Variants in RFX4 observed in about 807,000 individuals in gnomAD.
RFX4 encodes the protein transcription factor RFX4.
In RFX4, 10 loss-of-function variants were observed where a neutral mutation model predicts 95.0. The ratio of observed to expected loss-of-function variants is 0.11; its 90% CI spans 0.06 to 0.18. The LOEUF is 0.18. Ranked by LOEUF, RFX4 falls within the 10% of genes least tolerant of loss-of-function variation. The pLI is 1.00. For synonymous variants in RFX4, 321 were observed against 340.7 expected, an observed-to-expected ratio of 0.94 and a Z score of 0.64; for missense variants, 640 against 922.0, an observed-to-expected ratio of 0.69 and a Z score of 3.96.
At chr12:106,744,997 C>T (rs1353759050) in intron 15 of RFX4, among the ~76,000 whole-genome samples, 2 of 152,074 alleles carry the variant, frequency 1.3e-5, no homozygotes, top group Non-Finnish European at 2.9e-5. Context: ...CCTGAGCGAT[C>T]GTCAGTCTTA....
chr12:106,586,716 C>CA lies in RFX4; in HGVS notation c.43+3356dup, dbSNP rs1395079882. 6.6e-6 allele frequency among the ~76,000 whole-genome samples: 1 copy of CA among 152,194 alleles called. No individual in the cohort carries two copies. Among genetic ancestry groups the CA allele is most frequent in the African/African-American group, 2.4e-5 (1 of 41,458 alleles). ...TAGTTTACAGGCCCCCAGCTCAGCA[C>CA]AAATTCTTTCTAAAATTCTACCACC... is the stretch of plus-strand genomic sequence containing the variant. On this transcript the variant is annotated intron_variant, in intron 1 of 17. Coordinates refer to ENST00000392842, the MANE Select transcript of RFX4 (RefSeq NM_213594.3). The surrounding 1 kb of genome is among the most constrained non-coding windows in gnomAD (Gnocchi z 5.6).
intron 2 of RFX4, among the ~76,000 whole-genome samples, chr12:106,637,686 G>A (rs1377784027): frequency 1.3e-5 from 2 of 152,196 alleles, no homozygotes; most frequent in Non-Finnish European, 2.9e-5. Flanking sequence ...AATTGGATAA[G>A]AGACTGATTA....
chr12:106,630,622 C>T (rs1403773156), intron 2 of RFX4, among the ~76,000 whole-genome samples: 1 of 152,106 alleles, frequency 6.6e-6, no homozygotes, highest in Non-Finnish European at 1.5e-5. Flanking sequence ...TGAGTTCTGG[C>T]CAGGTGCAGC....
intron 2 of RFX4, among the ~76,000 whole-genome samples, chr12:106,619,923 T>C (rs542290903): frequency 6.6e-5 from 10 of 152,316 alleles, no homozygotes; most frequent in African/African-American, 2.4e-4. Context: ...GGTGGTCCAA[T>C]TGATTCTTTT....
At position 106,590,103 on chromosome 12, in the gene RFX4, A is replaced by C. The variant is rs1229882182; in HGVS notation, c.43+6740A>C. ...AGTGATTAGCAATATGAAGGAAAAA[A>C]ACCTATCTGGAGTAATAAAGACAGA... On this transcript the variant is annotated intron_variant, in intron 1 of 17. Coordinates refer to ENST00000392842, the MANE Select transcript of RFX4 (RefSeq NM_213594.3). 4.6e-5 allele frequency among the ~76,000 whole-genome samples: 7 copies of C among 152,380 alleles called. No individual in the cohort carries two copies. In the East Asian group the frequency reaches 1.2e-3, roughly 25 times the overall value.
rs1332891208 is a variant in RFX4, at chr12:106,583,225, C to T, written c.-96C>T. On this transcript the variant is annotated 5_prime_UTR_variant, in exon 1 of 18. Transcript: ENST00000392842. The stretch of plus-strand genomic sequence containing the variant: ...CTGCGTCTCTCTCTCTCCCCTTCTC[C>T]CTCCCTCCCTCCCTTCCTCCCTGGG... 6 of 779,696 alleles carry T rather than the reference C, an allele frequency of 7.7e-6. No individual in the cohort carries two copies. The highest frequency in any genetic ancestry group is 3.6e-5 in the East Asian group (1 of 28,078). The allele number at this position is 779,696 out of a possible 1,614,324, so 48.3% of individuals were successfully genotyped here.
intron 10 of RFX4, among the ~76,000 whole-genome samples, chr12:106,714,375 C>G (rs993657612): frequency 1.3e-5 from 2 of 152,126 alleles, no homozygotes; most frequent in African/African-American, 4.8e-5. Context: ...ATTAGAGATT[C>G]ACCTAACTCA....
chr12:106,652,957 G>C (rs2040883719), intron 3 of RFX4, among the ~76,000 whole-genome samples: 1 of 152,148 alleles, frequency 6.6e-6, no homozygotes, highest in Admixed American at 6.5e-5. Flanking sequence ...GTGGGGGATG[G>C]TTTTCCAGTC....
chr12:106,678,023 C>A (rs2041430290), intron 4 of RFX4, among the ~76,000 whole-genome samples: 1 of 152,078 alleles, frequency 6.6e-6, no homozygotes, highest in Non-Finnish European at 1.5e-5. Flanking sequence ...ATACATTATT[C>A]AAAAAGAATA....
chr12:106,667,264 G>C lies in RFX4; in HGVS notation c.315+12913G>C, dbSNP rs1285660843. ...TTTCCCTTCTCCGCATGGAAGGCTA[G>C]AGCTGACTGGAGTTGGGTATTTCCC... On this transcript the variant is annotated intron_variant, in intron 4 of 17. Coordinates refer to ENST00000392842, the MANE Select transcript of RFX4 (RefSeq NM_213594.3). Among the ~76,000 whole-genome samples the C allele has an allele frequency of 3.9e-5, 6 of 152,256 alleles. No individual in the cohort carries two copies. The East Asian group carries it at 7.7e-4, about 20-fold the overall frequency.
chr12:106,751,117 T>TCCCACAACAGTCCCCA (rs1317765110), intron 17 of RFX4, among the ~76,000 whole-genome samples: 1 of 135,824 alleles, frequency 7.4e-6, no homozygotes, highest in Non-Finnish European at 1.6e-5. Flanking sequence ...CCCCAGAGTG[T>TCCCACAACAGTCCCCA]GATGTTCCCC....
chr12:106,660,947 G>T (rs773851713), intron 4 of RFX4, among the ~76,000 whole-genome samples: 10 of 152,146 alleles, frequency 6.6e-5, no homozygotes, highest in Non-Finnish European at 1.5e-4. Flanking sequence ...AGGGAAAATT[G>T]TCTTCCATGA....
At chr12:106,673,144 C>G (rs766872904) in intron 4 of RFX4, among the ~76,000 whole-genome samples, 21 of 152,224 alleles carry the variant, frequency 1.4e-4, no homozygotes, top group Non-Finnish European at 2.8e-4. Flanking sequence ...TGAGGAGCGT[C>G]TGCAAATCCA....
At chr12:106,713,402 T>G (rs1308472438) in intron 10 of RFX4, among the ~76,000 whole-genome samples, 8 of 152,038 alleles carry the variant, frequency 5.3e-5, no homozygotes, top group Admixed American at 3.3e-4. Flanking sequence ...AAATTAAAAG[T>G]GTTAAATGTT....
intron 13 of RFX4, among the ~76,000 whole-genome samples, chr12:106,724,878 G>A (rs2042461912): frequency 6.6e-6 from 1 of 152,062 alleles, no homozygotes; most frequent in African/African-American, 2.4e-5. Flanking sequence ...CGGGTGTGGT[G>A]GCGGGTGCCT....
intron 2 of RFX4, among the ~76,000 whole-genome samples, chr12:106,609,547 G>T (rs927434418): frequency 1.3e-5 from 2 of 152,146 alleles, no homozygotes; most frequent in Non-Finnish European, 2.9e-5. Flanking sequence ...CATCTCCTTC[G>T]TTCAGTTTTC....
chr12:106,687,784 T>C (rs1339074192), intron 6 of RFX4, among the ~76,000 whole-genome samples: 1 of 152,194 alleles, frequency 6.6e-6, no homozygotes, highest in Non-Finnish European at 1.5e-5. Flanking sequence ...CCTATCTGTC[T>C]ATCTACCTAT....
chr12:106,634,742 C>A (rs556546472), intron 2 of RFX4, among the ~76,000 whole-genome samples: 3 of 152,304 alleles, frequency 2.0e-5, no homozygotes, highest in African/African-American at 7.2e-5. Context: ...ACCTTCCCCC[C>A]ATCTGGTGCC....
intron 8 of RFX4, among the ~76,000 whole-genome samples, chr12:106,708,477 A>C (rs893101665): frequency 1.3e-5 from 2 of 151,978 alleles, no homozygotes; most frequent in African/African-American, 4.8e-5. Context: ...CAGTGACCAG[A>C]GAGAAATGGG....
Sources: allele counts gnomAD v4.1 joint callset (sites outside exome capture counted in the v4.1 genomes callset), GRCh38; gene constraint gnomAD v4.1.1; non-coding constraint Gnocchi (gnomAD v3.1); transcripts MANE v1.5; gene names NCBI Gene and HGNC (gene_info 2026-07-23, HGNC 2026-07-21).